IQSEC1: variants seen among roughly 807,000 people sequenced by gnomAD.
IQSEC1 encodes IQ motif and SEC7 domain-containing protein 1.
IQSEC1 carries 31 observed loss-of-function variants against 91.0 expected under a neutral mutation model. The observed-to-expected ratio is 0.34, with a 90% CI of 0.26 to 0.46. IQSEC1 has a LOEUF of 0.46. Ranked by LOEUF, IQSEC1 falls within the 20% of genes least tolerant of loss-of-function variation. IQSEC1 has a pLI of 1.00. For synonymous variants in IQSEC1, 699 were observed against 662.6 expected (o/e 1.05, Z -0.84); for missense variants, 1,388 against 1,575.6 (o/e 0.88, Z 2.02).
Position 12,909,542 on chromosome 3 carries a change from G to T in IQSEC1, c.2417-108C>A. 1.7e-6 allele frequency: 2 copies of T among 1,164,972 alleles called. No homozygotes were observed. The highest frequency in any genetic ancestry group is 2.5e-6 in the Non-Finnish European group (2 of 814,948). 72.2% of individuals were successfully genotyped at this position (1,164,972 alleles called of 1,614,324 possible). A position where few individuals can be genotyped will look rare whatever the true frequency, so the allele number is the denominator to read the frequency against. On this transcript the variant is annotated intron_variant, in intron 10 of 13. Transcript: ENST00000613206. This position sits in a 1 kb window ranked among gnomAD's most constrained non-coding sequence, Gnocchi z 4.9. ...TAGGGCTGAGTTGTGCGTGAGCCTG[G>T]GATAAGTGCCGGGAGTCCAGCCTCC...
rs1206423517 is a variant in IQSEC1 at position 12,901,473 on chromosome 3, C to T, written c.2855G>A (p.Arg952Gln). The part of the protein sequence containing the change: ...PHMRRRATST[R>Q]ECPSRPHQTM... ...CTGGTGTGGGCGAGATGGACACTCTCGTGTTGATGTAGCTCTCCGGCGCAT... is the reference window on the plus strand; with the variant it reads ...CTGGTGTGGGCGAGATGGACACTCTTGTGTTGATGTAGCTCTCCGGCGCAT... The change falls in exon 14 of 14, where the codon CGA (arginine) becomes CAA (glutamine). Residue 952 changes from arginine to glutamine, a missense_variant. Coordinates refer to ENST00000613206, the MANE Select transcript of IQSEC1 (RefSeq NM_001134382.3). 34 of 1,549,606 alleles carry T rather than the reference C, an allele frequency of 2.2e-5. No individual in the cohort carries two copies. Among genetic ancestry groups the T allele is most frequent in the African/African-American group, 4.1e-5 (3 of 73,080 alleles).
intron 2 of IQSEC1, among the ~76,000 whole-genome samples, chr3:13,138,096 A>G (rs1289159322): frequency 6.6e-6 from 1 of 152,096 alleles, no homozygotes; most frequent in East Asian, 1.9e-4. Context: ...TCCATATGCA[A>G]AATGAGAGGG....
rs1694509231 is a variant in IQSEC1, at chr3:13,214,656, G to A, written c.273-50523C>T. On this transcript the variant is annotated intron_variant, in intron 1 of 15. Coordinates refer to the IQSEC1 transcript ENST00000648114. The surrounding 1 kb of genome is among the most constrained non-coding windows in gnomAD (Gnocchi z 4.5). ...TCCACCCTGGCAAGAGCAGGGCCAC[G>A]GTGCCATCAAGGGGCCACTGTGGCA... 6.6e-6 allele frequency among the ~76,000 whole-genome samples: 1 copy of A among 152,224 alleles called. No homozygotes were observed. Among genetic ancestry groups the A allele is most frequent in the Non-Finnish European group, 1.5e-5 (1 of 68,044 alleles).
intron 1 of IQSEC1, among the ~76,000 whole-genome samples, chr3:12,965,582 C>T (rs903309453): frequency 5.3e-5 from 8 of 152,278 alleles, no homozygotes; most frequent in Non-Finnish European, 8.8e-5. Context: ...TCCAAGACCT[C>T]TGCCTCATGT....
intron 1 of IQSEC1, among the ~76,000 whole-genome samples, chr3:12,996,105 G>A (rs1559707770): frequency 6.6e-6 from 1 of 152,042 alleles, no homozygotes; most frequent in Non-Finnish European, 1.5e-5. Flanking sequence ...AGGTTATTGC[G>A]AGCTATCATT....
intron 2 of IQSEC1, among the ~76,000 whole-genome samples, chr3:13,137,123 G>A (rs1706724516): frequency 6.6e-6 from 1 of 152,094 alleles, no homozygotes; most frequent in Non-Finnish European, 1.5e-5. Context: ...GCCACAGAGT[G>A]AGACCCTATC....
In IQSEC1 at chr3:13,190,917, C is replaced by T. The variant is rs140657820; in HGVS notation, c.273-26784G>A. 3.7e-4 allele frequency among the ~76,000 whole-genome samples: 56 copies of T among 152,308 alleles called. 1 individual carries two copies. The East Asian group carries it at 5.6e-3, about 15-fold the overall frequency. Reference sequence around the variant, plus strand: ...AATCCCTGACTCCAGGCCCCTGACACAGACATTTCCAGCCCCTTCTCTACT... The same window carrying T: ...AATCCCTGACTCCAGGCCCCTGACATAGACATTTCCAGCCCCTTCTCTACT... On this transcript the variant is annotated intron_variant, in intron 1 of 15. Transcript: ENST00000648114.
At chr3:13,194,656 G>C (rs1410693876) in intron 1 of IQSEC1, among the ~76,000 whole-genome samples, 1 of 152,116 alleles carries the variant, frequency 6.6e-6, no homozygotes, top group African/African-American at 2.4e-5. Flanking sequence ...CCCCAGAGGA[G>C]ACCCCTCGAG....
chr3:12,974,946 C>T (rs1320462958), intron 1 of IQSEC1, among the ~76,000 whole-genome samples: 1 of 152,246 alleles, frequency 6.6e-6, no homozygotes, highest in African/African-American at 2.4e-5. Context: ...CTCTGTGCCC[C>T]AGATAGAAGA....
At chr3:13,017,913 C>A (rs921128838) in intron 1 of IQSEC1, among the ~76,000 whole-genome samples, 1 of 152,226 alleles carries the variant, frequency 6.6e-6, no homozygotes, top group East Asian at 1.9e-4. Context: ...CAGCTCTGGG[C>A]TCTTCCCGGA....
In IQSEC1 at chr3:12,983,537, C is replaced by T. The variant is rs1048939205; in HGVS notation, c.24-41672G>A. 5.9e-5 allele frequency among the ~76,000 whole-genome samples: 9 copies of T among 152,174 alleles called. No homozygotes were observed. The highest frequency in any genetic ancestry group is 1.9e-4 in the African/African-American group (8 of 41,446). On this transcript the variant is annotated intron_variant, in intron 1 of 13. Coordinates refer to ENST00000613206, the MANE Select transcript of IQSEC1 (RefSeq NM_001134382.3). The surrounding 1 kb of genome is among the most constrained non-coding windows in gnomAD (Gnocchi z 4.3). ...TGGCCTTCCTAGCCCCGAGACAGAG[C>T]GGCCAGGATGAAGTGATGCCCCAGC...
rs1366633659 is a variant in IQSEC1 at position 12,900,182 on chromosome 3, A to G, written c.*801T>C. The G allele has an allele frequency of 1.0e-6, 1 of 973,858 alleles. No homozygotes were observed. Among genetic ancestry groups the G allele is most frequent in the African/African-American group, 1.8e-5 (1 of 56,994 alleles). 60.3% of individuals were successfully genotyped at this position (973,858 alleles called of 1,614,324 possible). ...AATAAAATAAGGATTTATACAAAGC[A>G]ATACTGGACTTTTTAAACAGTTAGA... On this transcript the variant is annotated 3_prime_UTR_variant, in exon 14 of 14. Coordinates refer to ENST00000613206, the MANE Select transcript of IQSEC1 (RefSeq NM_001134382.3).
chr3:13,186,797 G>C (rs1693941216), intron 1 of IQSEC1, among the ~76,000 whole-genome samples: 1 of 152,098 alleles, frequency 6.6e-6, no homozygotes, highest in African/African-American at 2.4e-5. Flanking sequence ...GCAGACCCAG[G>C]CTCCGTCAGG....
At chr3:13,187,477 GAATT>G (rs1209968377) in intron 1 of IQSEC1, among the ~76,000 whole-genome samples, 1 of 152,128 alleles carries the variant, frequency 6.6e-6, no homozygotes, top group African/African-American at 2.4e-5. Flanking sequence ...ACAAATTTTT[GAATT>G]AATCTGAATA....
In IQSEC1 at chr3:13,127,867, A is replaced by T. The variant is rs369275143; in HGVS notation, c.302+36237T>A. ...AATCCCATATGTTTTCAGTATACAG[A>T]TTCTGTACATGTTTTGTTAGATTTA... On this transcript the variant is annotated intron_variant, in intron 2 of 15. Transcript: ENST00000648114. 5.3e-5 allele frequency among the ~76,000 whole-genome samples: 8 copies of T among 152,208 alleles called. No homozygotes were observed. In the East Asian group the frequency reaches 1.5e-3, roughly 29 times the overall value.
At chr3:13,190,414 T>TA (rs58096625) in intron 1 of IQSEC1, among the ~76,000 whole-genome samples, 3 of 151,310 alleles carry the variant, frequency 2.0e-5, no homozygotes, top group East Asian at 1.9e-4. Flanking sequence ...CAAAATAAAA[T>TA]AAAAAAAATT....
chr3:12,929,068 A>G (rs2125250186), intron 3 of IQSEC1, among the ~76,000 whole-genome samples: 1 of 152,334 alleles, frequency 6.6e-6, no homozygotes, highest in African/African-American at 2.4e-5. Context: ...AATATGCTAC[A>G]GTACAAGCAT....
chr3:13,191,020 C>T (rs527814401), intron 1 of IQSEC1, among the ~76,000 whole-genome samples: 5 of 152,200 alleles, frequency 3.3e-5, no homozygotes, highest in Non-Finnish European at 7.3e-5. Context: ...CCCAACACAC[C>T]CCTTGCCATG....
chr3:13,024,531 C>A (rs1703538775), intron 1 of IQSEC1, among the ~76,000 whole-genome samples: 1 of 151,280 alleles, frequency 6.6e-6, no homozygotes, highest in African/African-American at 2.4e-5. Flanking sequence ...GTCTGCATAT[C>A]ATTGTAAATT....
Sources: allele counts gnomAD v4.1 joint callset (sites outside exome capture counted in the v4.1 genomes callset), GRCh38; gene constraint gnomAD v4.1.1; non-coding constraint Gnocchi (gnomAD v3.1); transcripts MANE v1.5; gene names NCBI Gene and HGNC (gene_info 2026-07-23, HGNC 2026-07-21).